BORCS5: variants seen among roughly 807,000 people sequenced by gnomAD.
The protein encoded by BORCS5 is BLOC-1 related complex subunit 5, also known as BLOC-1-related complex subunit 5.
BORCS5 carries 17 observed loss-of-function variants against 22.1 expected under a neutral mutation model. That is an observed-to-expected ratio of 0.77 (90% CI 0.53 to 1.15). BORCS5 has a LOEUF of 1.15. Ranked by LOEUF, BORCS5 falls within the 50% of genes most tolerant of loss-of-function variation. The probability of loss-of-function intolerance (pLI) is 0.00; values close to 1 mark genes in which losing one functional copy is unlikely to be tolerated. For synonymous variants in BORCS5, 117 were observed against 99.8 expected, an observed-to-expected ratio of 1.17 and a Z score of -1.03; for missense variants, 247 against 253.2, an observed-to-expected ratio of 0.98 and a Z score of 0.17.
Position 12,420,531 on chromosome 12 carries a change from CT to C in BORCS5, c.203-15091del, listed in dbSNP as rs945441961. ...TAGGATTGTCTTGGCAATGCGGGCT[CT>C]TTTTTGGTTCCATATGAACTTTCAA... On this transcript the variant is annotated intron_variant, in intron 2 of 3. Transcript: ENST00000314565. Among the ~76,000 whole-genome samples, 308 of 152,208 alleles carry C rather than the reference CT, an allele frequency of 2.0e-3. 2 individuals carry two copies. The highest frequency in any genetic ancestry group is 7.2e-3 in the African/African-American group (297 of 41,516).
chr12:12,402,015 A>T (rs555500872), intron 2 of BORCS5, among the ~76,000 whole-genome samples: 1 of 151,220 alleles, frequency 6.6e-6, no homozygotes, highest in Non-Finnish European at 1.5e-5. Context: ...GCAGTGAGCC[A>T]AGATGGCGCC....
At chr12:12,423,500 T>G (rs1942196465) in intron 2 of BORCS5, among the ~76,000 whole-genome samples, 1 of 148,898 alleles carries the variant, frequency 6.7e-6, no homozygotes, top group African/African-American at 2.5e-5. Context: ...CCCTCATTTT[T>G]GAAGGATAGT....
At position 12,357,502 on chromosome 12, in the gene BORCS5, C is replaced by A; in HGVS notation, c.51C>A (p.Asn17Lys). The A allele has an allele frequency of 1.9e-6, 3 of 1,609,190 alleles. No individual in the cohort carries two copies. In the South Asian group the frequency reaches 3.3e-5, roughly 18 times the overall value. ...SEAESRPNDL[N>K]SSVTPSPAKH... ...CCGAGAGCCGACCCAACGATCTGAA[C>A]TCCTCAGGTCGGTGTCCTAACCTCC... The change falls in exon 1 of 4, where the codon AAC becomes AAA. Residue 17 changes from asparagine (N) to lysine (K), a missense_variant. Coordinates refer to ENST00000314565, the MANE Select transcript of BORCS5 (RefSeq NM_058169.6).
At chr12:12,389,593 A>T (rs1042421339) in intron 2 of BORCS5, among the ~76,000 whole-genome samples, 1 of 152,080 alleles carries the variant, frequency 6.6e-6, no homozygotes, top group Non-Finnish European at 1.5e-5. Flanking sequence ...TGAGCTCCTC[A>T]GCTTGAGGTG....
intron 2 of BORCS5, among the ~76,000 whole-genome samples, chr12:12,419,705 T>C (rs1942064645): frequency 6.6e-6 from 1 of 152,234 alleles, no homozygotes; most frequent in African/African-American, 2.4e-5. Context: ...CTCCAGCACA[T>C]GTTGTTTCAT....
chr12:12,374,826 C>T (rs1001551145), intron 2 of BORCS5, among the ~76,000 whole-genome samples: 1 of 151,010 alleles, frequency 6.6e-6, no homozygotes, highest in Non-Finnish European at 1.5e-5. Context: ...GGCGTGGTGG[C>T]GCACAGCTGT....
At chr12:12,401,776 A>G (rs1286988895) in intron 2 of BORCS5, among the ~76,000 whole-genome samples, 1 of 152,100 alleles carries the variant, frequency 6.6e-6, no homozygotes, top group African/African-American at 2.4e-5. Flanking sequence ...ACATCATCTA[A>G]GGCCAGGAGC....
chr12:12,365,360 T>TG (rs1863383445), intron 2 of BORCS5, among the ~76,000 whole-genome samples: 1 of 151,680 alleles, frequency 6.6e-6, no homozygotes, highest in Admixed American at 6.6e-5. Flanking sequence ...TTTTTTTTTT[T>TG]GTAGAGACAG....
intron 2 of BORCS5, among the ~76,000 whole-genome samples, chr12:12,379,545 G>A (rs550185939): frequency 6.6e-6 from 1 of 151,452 alleles, no homozygotes; most frequent in African/African-American, 2.4e-5. Context: ...CTGAGAGGTC[G>A]GATGTCAACA....
At chr12:12,417,354 C>A (rs1379925814) in intron 2 of BORCS5, among the ~76,000 whole-genome samples, 1 of 152,118 alleles carries the variant, frequency 6.6e-6, no homozygotes, top group Non-Finnish European at 1.5e-5. Flanking sequence ...CTTTTGAAAT[C>A]TTTTGAGACT....
At chr12:12,368,606 A>ATTTTTT (rs563081728) in intron 2 of BORCS5, among the ~76,000 whole-genome samples, 1 of 140,594 alleles carries the variant, frequency 7.1e-6, no homozygotes, top group Non-Finnish European at 1.6e-5. Context: ...CACCTGGCTA[A>ATTTTTT]TTTTTTTTTT....
intron 2 of BORCS5, among the ~76,000 whole-genome samples, chr12:12,399,307 GAAAA>G (rs200122750): frequency 1.3e-5 from 2 of 150,266 alleles, no homozygotes; most frequent in Non-Finnish European, 3.0e-5. Flanking sequence ...TGGAGGGAAG[GAAAA>G]AAAAAGGTGA....
At chr12:12,385,230 G>C (rs1429567555) in intron 2 of BORCS5, among the ~76,000 whole-genome samples, 1 of 151,476 alleles carries the variant, frequency 6.6e-6, no homozygotes, top group Non-Finnish European at 1.5e-5. Flanking sequence ...CCTTAGCTAG[G>C]AGTAAGCTTG....
At chr12:12,402,505 T>A (rs1417354670) in intron 2 of BORCS5, among the ~76,000 whole-genome samples, 2 of 152,228 alleles carry the variant, frequency 1.3e-5, no homozygotes, top group South Asian at 2.1e-4. Context: ...TTCAAGAGTT[T>A]TATCCAATAT....
At position 12,390,014 on chromosome 12, in the gene BORCS5, T is replaced by G. The variant is rs965435711; in HGVS notation, c.202+28665T>G. On this transcript the variant is annotated intron_variant, in intron 2 of 3. Transcript: ENST00000314565. ...GAGCTCCAGGCCAAATCGGACTGTT[T>G]TCTTTGCTTTCCCACCTCTAAACTT... is the stretch of plus-strand genomic sequence containing the variant. Among the ~76,000 whole-genome samples the G allele has an allele frequency of 7.9e-5, 12 of 152,238 alleles. 1 individual carries two copies. The highest frequency in any genetic ancestry group is 6.5e-4 in the Admixed American group (10 of 15,282).
chr12:12,466,042 C>A lies in BORCS5; in HGVS notation c.*266C>A. On this transcript the variant is annotated 3_prime_UTR_variant, in exon 4 of 4. Transcript: ENST00000314565. The stretch of plus-strand genomic sequence containing the variant: ...ATTATTAGGAATTCTTTGAAGAACT[C>A]TGCATTGAGAATTATTTTTATTTAG... 1 of 406,710 alleles carries A rather than the reference C, an allele frequency of 2.5e-6. No individual in the cohort carries two copies. 25.2% of individuals were successfully genotyped at this position (406,710 alleles called of 1,614,324 possible).
Position 12,393,518 on chromosome 12 carries a change from GTTTTTGT to G in BORCS5, c.202+32182_202+32188del, listed in dbSNP as rs1317183924. On this transcript the variant is annotated intron_variant, in intron 2 of 3. Coordinates refer to ENST00000314565, the MANE Select transcript of BORCS5 (RefSeq NM_058169.6). The stretch of plus-strand genomic sequence containing the variant: ...GACTTTACAGGTACTGCTTTTAAGT[GTTTTTGT>G]TTTTTGTTTTTTCAGATAGGGTCTC... 1.4e-4 allele frequency among the ~76,000 whole-genome samples: 21 copies of G among 151,654 alleles called. No individual in the cohort carries two copies. The East Asian group carries it at 2.9e-3, about 21-fold the overall frequency.
chr12:12,400,291 CCTGT>C (rs1255379560), intron 2 of BORCS5, among the ~76,000 whole-genome samples: 4 of 152,158 alleles, frequency 2.6e-5, no homozygotes, highest in African/African-American at 9.7e-5. Context: ...ACGCTCTCTC[CCTGT>C]CTAATTGTCT....
chr12:12,403,638 G>A (rs1214630388), intron 2 of BORCS5, among the ~76,000 whole-genome samples: 1 of 152,154 alleles, frequency 6.6e-6, no homozygotes, highest in Non-Finnish European at 1.5e-5. Context: ...AAAGGTTTGA[G>A]TTTTTATGAC....
Sources: gnomAD v4.1 joint callset for allele counts (sites outside exome capture counted in the v4.1 genomes callset) on GRCh38, gnomAD v4.1.1 for gene constraint, MANE v1.5 for transcripts, NCBI Gene and HGNC (gene_info 2026-07-23, HGNC 2026-07-21) for gene names.